ESRRB: variants seen among roughly 807,000 people sequenced by gnomAD.
ESRRB encodes steroid hormone receptor ERR2.
In ESRRB, 16 loss-of-function variants were observed where a neutral mutation model predicts 46.0. That is an observed-to-expected ratio of 0.35 (90% CI 0.24 to 0.53). The LOEUF (loss-of-function observed/expected upper bound fraction) is 0.53, where lower values mean the gene tolerates loss of function less well. Ranked by LOEUF, ESRRB falls within the 20% of genes least tolerant of loss-of-function variation. The pLI is 0.93. For synonymous variants in ESRRB, 246 were observed against 259.6 expected (o/e 0.95, Z 0.50); for missense variants, 488 against 607.4 (o/e 0.80, Z 2.07).
intron 1 of ESRRB, among the ~76,000 whole-genome samples, chr14:76,332,790 A>AT (rs1411702498): frequency 0.11 from 1,003 of 9,192 alleles, 128 homozygotes; most frequent in South Asian, 0.21. Flanking sequence ...TATTATATAT[A>AT]AATATATAAT....
rs940678720 is a variant in ESRRB, at chr14:76,482,243, G to A, written c.688+117G>A. On this transcript the variant is annotated intron_variant, in intron 4 of 6. Coordinates refer to ENST00000644823, the MANE Select transcript of ESRRB (RefSeq NM_001379180.1). This position sits in a 1 kb window ranked among gnomAD's most constrained non-coding sequence, Gnocchi z 4.3. Reference sequence around the variant, plus strand: ...GGTCATGAGACAATGTGGATCTTGGGGAGGTGACATCAGTGCCTGGCACAT... The same window carrying A: ...GGTCATGAGACAATGTGGATCTTGGAGAGGTGACATCAGTGCCTGGCACAT... The A allele has an allele frequency of 5.7e-5, 47 of 827,792 alleles. No homozygotes were observed. The highest frequency in any genetic ancestry group is 8.5e-5 in the Non-Finnish European group (42 of 493,814). The allele number at this position is 827,792 out of a possible 1,614,324, so 51.3% of individuals were successfully genotyped here.
intron 1 of ESRRB, among the ~76,000 whole-genome samples, chr14:76,353,895 G>A (rs1239092477): frequency 6.6e-6 from 1 of 152,098 alleles, no homozygotes; most frequent in African/African-American, 2.4e-5. Flanking sequence ...CCAGGAAGCT[G>A]AGGCTGCAGT....
rs558541297 is a variant in ESRRB, at chr14:76,500,530, A to G, written c.*2072A>G. Reference sequence around the variant, plus strand: ...TCTGCTCCGGAGAAACCTTCACAGTAGAGACCTTGGGGTGTGTGCTTTGGG... The same window carrying G: ...TCTGCTCCGGAGAAACCTTCACAGTGGAGACCTTGGGGTGTGTGCTTTGGG... On this transcript the variant is annotated 3_prime_UTR_variant, in exon 7 of 7. Coordinates refer to ENST00000644823, the MANE Select transcript of ESRRB (RefSeq NM_001379180.1). The G allele has an allele frequency of 7.4e-5, 52 of 703,940 alleles. No individual in the cohort carries two copies. The African/African-American group carries it at 8.8e-4, about 12-fold the overall frequency. 43.6% of individuals were successfully genotyped at this position (703,940 alleles called of 1,614,324 possible).
intron 1 of ESRRB, among the ~76,000 whole-genome samples, chr14:76,414,883 A>G (rs1886631258): frequency 6.6e-6 from 1 of 152,012 alleles, no homozygotes; most frequent in African/African-American, 2.4e-5. Context: ...TAGTGACCTG[A>G]GGCAAGTCCC....
At chr14:76,363,778 G>T (rs79443662) in intron 1 of ESRRB, among the ~76,000 whole-genome samples, 3,094 of 152,242 alleles carry the variant, frequency 0.02, 58 homozygotes, top group East Asian at 0.086. Context: ...ACTCACAAAC[G>T]CCCTTTCTTT....
At chr14:76,434,066 C>T (rs1425132528) in intron 1 of ESRRB, among the ~76,000 whole-genome samples, 1 of 151,098 alleles carries the variant, frequency 6.6e-6, no homozygotes, top group Non-Finnish European at 1.5e-5. Flanking sequence ...TCAAGCAATT[C>T]GCCTACCTCA....
At chr14:76,358,323 A>AAAGAAAGAAAG (rs1884410890) in intron 1 of ESRRB, among the ~76,000 whole-genome samples, 2 of 53,102 alleles carry the variant, frequency 3.8e-5, no homozygotes, top group South Asian at 8.3e-4. Context: ...AAAAAAAAAA[A>AAAGAAAGAAAG]AAAGAAAGAA....
At chr14:76,471,891 C>T (rs187256107) in intron 3 of ESRRB, among the ~76,000 whole-genome samples, 14 of 152,324 alleles carry the variant, frequency 9.2e-5, no homozygotes, top group African/African-American at 3.4e-4. Flanking sequence ...GCTTCTTAGG[C>T]AGTGTCTGGG....
chr14:76,333,911 A>G (rs1884094597), intron 1 of ESRRB, among the ~76,000 whole-genome samples: 1 of 147,252 alleles, frequency 6.8e-6, no homozygotes, highest in Non-Finnish European at 1.5e-5. Flanking sequence ...TAGGAGCACA[A>G]ACTCTGCAGC....
chr14:76,367,865 CT>C, upstream of ESRRB, among the ~76,000 whole-genome samples: 1 of 152,030 alleles, frequency 6.6e-6, no homozygotes, highest in South Asian at 2.1e-4. Context: ...TCTCCCCCTC[CT>C]TGTGGTGCTC....
chr14:76,494,576 G>A (rs1425625469), intron 6 of ESRRB, among the ~76,000 whole-genome samples: 1 of 152,092 alleles, frequency 6.6e-6, no homozygotes, highest in Non-Finnish European at 1.5e-5. Flanking sequence ...CACAGTGCTG[G>A]GATTGCGGGC....
chr14:76,491,689 C>T lies in ESRRB; in HGVS notation c.1093C>T (p.Leu365Phe), dbSNP rs1157820214. Residue 365 changes from leucine to phenylalanine, a missense_variant, in exon 6 of 7, where the codon CTC becomes TTC. Coordinates refer to ENST00000644823, the MANE Select transcript of ESRRB (RefSeq NM_001379180.1). Reference protein sequence around the residue: ...LKVEKEEFVTLKALALANSDS... With the variant: ...LKVEKEEFVTFKALALANSDS... Reference sequence around the variant, plus strand: ...GGTGGAGAAGGAGGAGTTTGTGACGCTCAAGGCCCTGGCCCTCGCCAACTC... The same window carrying T: ...GGTGGAGAAGGAGGAGTTTGTGACGTTCAAGGCCCTGGCCCTCGCCAACTC... The T allele has an allele frequency of 6.3e-7, 1 of 1,584,724 alleles. No individual in the cohort carries two copies. Among genetic ancestry groups the T allele is most frequent in the Admixed American group, 1.9e-5 (1 of 53,810 alleles).
At chr14:76,396,206 CA>C (rs1332103555) in intron 1 of ESRRB, among the ~76,000 whole-genome samples, 2 of 150,518 alleles carry the variant, frequency 1.3e-5, no homozygotes, top group African/African-American at 4.9e-5. Context: ...AAACAAAAAA[CA>C]AAAAAACAGC....
At chr14:76,402,022 C>G (rs1176192832) in intron 1 of ESRRB, among the ~76,000 whole-genome samples, 1 of 152,138 alleles carries the variant, frequency 6.6e-6, no homozygotes, top group Admixed American at 6.5e-5. Context: ...AGTCTGAGTC[C>G]AAAGGCGGGA....
intron 1 of ESRRB, among the ~76,000 whole-genome samples, chr14:76,355,770 A>C (rs1400477149): frequency 1.3e-5 from 2 of 152,170 alleles, no homozygotes; most frequent in Non-Finnish European, 2.9e-5. Flanking sequence ...AGGGTCCAAC[A>C]CATAGGAGGG....
In ESRRB at chr14:76,498,646, T is replaced by C; in HGVS notation, c.*188T>C. ...GGTGCAGTGGGGTGGGGGACGGGGA[T>C]GGGGGGGCAGGGGTGTGGGGCTCGA... On this transcript the variant is annotated 3_prime_UTR_variant, in exon 7 of 7. Coordinates refer to ENST00000644823, the MANE Select transcript of ESRRB (RefSeq NM_001379180.1). 1 of 206,918 alleles carries C rather than the reference T, an allele frequency of 4.8e-6. No individual in the cohort carries two copies. The allele number at this position is 206,918 out of a possible 1,614,324, so 12.8% of individuals were successfully genotyped here.
At chr14:76,430,187 T>C (rs543842675) in intron 1 of ESRRB, among the ~76,000 whole-genome samples, 1 of 152,338 alleles carries the variant, frequency 6.6e-6, no homozygotes, top group South Asian at 2.1e-4. Context: ...GGAAATTTAG[T>C]TACAGTATAG....
chr14:76,371,776 T>G (rs1440022641), upstream of ESRRB, among the ~76,000 whole-genome samples: 1 of 152,174 alleles, frequency 6.6e-6, no homozygotes, highest in Non-Finnish European at 1.5e-5. Flanking sequence ...TGTCTTTTAG[T>G]GAGGAAGCCG....
At chr14:76,494,338 C>G (rs1555345117) in intron 6 of ESRRB, among the ~76,000 whole-genome samples, 1 of 134,262 alleles carries the variant, frequency 7.4e-6, no homozygotes, top group Non-Finnish European at 1.6e-5. Flanking sequence ...CAGAATTTTG[C>G]TCTTGTTGCC....
Sources: allele counts gnomAD v4.1 joint callset (sites outside exome capture counted in the v4.1 genomes callset), GRCh38; gene constraint gnomAD v4.1.1; non-coding constraint Gnocchi (gnomAD v3.1); transcripts MANE v1.5; gene names NCBI Gene and HGNC (gene_info 2026-07-23, HGNC 2026-07-21).